The following VAC14 variants were observed in gnomAD, a reference collection of about 807,000 sequenced individuals.
The protein encoded by VAC14 is VAC14 component of PIKFYVE complex.
VAC14 carries 47 observed loss-of-function variants against 85.3 expected under a neutral mutation model. The ratio of observed to expected loss-of-function variants is 0.55; its 90% CI spans 0.44 to 0.70. The LOEUF is 0.70. Among genes scored for constraint, VAC14 ranks in the 30% least tolerant of loss-of-function variants. VAC14 has a pLI of 0.00. For missense variants in VAC14, 861 were observed against 1,004.3 expected (o/e 0.86, Z 1.93); for synonymous variants, 447 against 430.5 (o/e 1.04, Z -0.47).
chr16:70,731,844 C>T (rs2054600912), intron 13 of VAC14, among the ~76,000 whole-genome samples: 1 of 151,928 alleles, frequency 6.6e-6, no homozygotes, highest in South Asian at 2.1e-4. Context: ...CAAAAATGCC[C>T]ACTAGTTAAA....
intron 12 of VAC14, among the ~76,000 whole-genome samples, chr16:70,746,766 T>G (rs993479887): frequency 2.0e-5 from 3 of 152,074 alleles, no homozygotes; most frequent in South Asian, 2.1e-4. Context: ...ATTCAGCCCC[T>G]GCACACCTGC....
Position 70,788,239 on chromosome 16 carries a change from C to A in VAC14, c.105-1874G>T, listed in dbSNP as rs117665931. Among the ~76,000 whole-genome samples, 821 of 152,276 alleles carry A rather than the reference C, an allele frequency of 5.4e-3. 3 individuals carry two copies. The highest frequency in any genetic ancestry group is 9.8e-3 in the Non-Finnish European group (667 of 68,016). On this transcript the variant is annotated intron_variant, in intron 1 of 18. Coordinates refer to ENST00000261776, the MANE Select transcript of VAC14 (RefSeq NM_018052.5). ...CTGTCCTGTGAGACAGTGAGCACTC[C>A]GGCAAAAAGGCTGTTCAAAGAGGGA... is the stretch of plus-strand genomic sequence containing the variant.
chr16:70,736,296 C>T (rs1306741633), intron 13 of VAC14, among the ~76,000 whole-genome samples: 1 of 152,228 alleles, frequency 6.6e-6, no homozygotes, highest in Admixed American at 6.5e-5. Context: ...TACACGGGGG[C>T]TCCTTTTTAT....
intron 18 of VAC14, chr16:70,691,954 G>A (rs1010071928): frequency 3.0e-6 from 3 of 985,206 alleles, no homozygotes; most frequent in Admixed American, 1.2e-4. Context: ...TAACAGCCTG[G>A]GAGGGAATTC....
chr16:70,705,399 C>G, intron 14 of VAC14, among the ~76,000 whole-genome samples: 1 of 152,384 alleles, frequency 6.6e-6, no homozygotes, highest in African/African-American at 2.4e-5. Context: ...ACGCAGCCTG[C>G]CTCTCTGCGC....
At chr16:70,691,980 T>C in intron 18 of VAC14, 2 of 985,018 alleles carry the variant, frequency 2.0e-6, no homozygotes, top group Non-Finnish European at 2.4e-6. Flanking sequence ...ACACAGGGCA[T>C]CTGATGCAAG....
chr16:70,756,741 G>A (rs2031898231), intron 12 of VAC14, among the ~76,000 whole-genome samples: 1 of 152,142 alleles, frequency 6.6e-6, no homozygotes, highest in African/African-American at 2.4e-5. Flanking sequence ...CTTGGACCGG[G>A]TACATCGCTG....
At chr16:70,768,655 G>C in intron 10 of VAC14, 1 of 337,918 alleles carries the variant, frequency 3.0e-6, no homozygotes. Flanking sequence ...GGGGAAGACA[G>C]CTTCTGCTCT....
chr16:70,772,010 G>A (rs1003645207), intron 10 of VAC14, 99 bp downstream of exon 10: 5 of 1,101,870 alleles, frequency 4.5e-6, no homozygotes, highest in African/African-American at 3.1e-5. Context: ...GCAGCCGCGA[G>A]TAGAATTTGC....
intron 13 of VAC14, among the ~76,000 whole-genome samples, chr16:70,740,698 C>T: frequency 6.6e-6 from 1 of 152,190 alleles, no homozygotes; most frequent in Non-Finnish European, 1.5e-5. Flanking sequence ...CCTCAGCCAG[C>T]TTCCCTCACA....
chr16:70,749,335 A>T (rs2031187705), intron 12 of VAC14, among the ~76,000 whole-genome samples: 1 of 152,270 alleles, frequency 6.6e-6, no homozygotes, highest in Non-Finnish European at 1.5e-5. Context: ...GCAAAGCTGC[A>T]TATTTTACAT....
At chr16:70,690,203 T>C (rs1186958158) in intron 18 of VAC14, 1 of 985,444 alleles carries the variant, frequency 1.0e-6, no homozygotes, top group Non-Finnish European at 1.2e-6. Flanking sequence ...TCCTGCTCCC[T>C]GTGATGGGCA....
intron 12 of VAC14, chr16:70,761,018 T>TGTGTGTGTGTGTGTGTGTGC (rs1555523169): frequency 3.7e-6 from 1 of 267,786 alleles, no homozygotes; most frequent in Non-Finnish European, 7.2e-6. Flanking sequence ...TGTGTGTGTG[T>TGTGTGTGTGTGTGTGTGTGC]GCATGGGGGG....
At chr16:70,694,600 G>A (rs562900533) in intron 17 of VAC14, among the ~76,000 whole-genome samples, 6 of 152,246 alleles carry the variant, frequency 3.9e-5, no homozygotes, top group Admixed American at 6.5e-5. Flanking sequence ...GGTCAGAGAC[G>A]CTGCCAGAGA....
chr16:70,688,620 C>A, intron 18 of VAC14: 1 of 985,610 alleles, frequency 1.0e-6, no homozygotes, highest in Non-Finnish European at 1.2e-6. Flanking sequence ...CACTCACTGT[C>A]CCTGGGAGGA....
chr16:70,698,575 C>A (rs1567522624), intron 15 of VAC14, 62 bp downstream of exon 15: 3 of 1,597,372 alleles, frequency 1.9e-6, no homozygotes, highest in Non-Finnish European at 2.6e-6. Context: ...GGCGGGCTCA[C>A]ACAGGGTGTG....
rs186391097 is a variant in VAC14, at chr16:70,763,058, G to A, written c.1161-33C>T. ...TAAGATCGGGAGGGAGAGCAGAGGT[G>A]AAGCCCACCATAGCCCTCTCCCATG... is the stretch of plus-strand genomic sequence containing the variant. On this transcript the variant is annotated intron_variant, in intron 10 of 18. Coordinates refer to ENST00000261776, the MANE Select transcript of VAC14 (RefSeq NM_018052.5). The A allele has an allele frequency of 5.9e-3, 9,541 of 1,613,598 alleles. 36 individuals are homozygous for A. The highest frequency in any genetic ancestry group is 7.1e-3 in the Non-Finnish European group (8,391 of 1,179,706).
intron 14 of VAC14, among the ~76,000 whole-genome samples, chr16:70,705,887 T>C (rs1291113216): frequency 6.6e-6 from 1 of 152,200 alleles, no homozygotes; most frequent in Non-Finnish European, 1.5e-5. Context: ...GGTGGCCCCA[T>C]GAGAGGCAAG....
Position 70,780,778 on chromosome 16 carries a change from G to A in VAC14, c.1096+12C>T. The A allele has an allele frequency of 6.3e-7, 1 of 1,580,044 alleles. No individual in the cohort carries two copies. The highest frequency in any genetic ancestry group is 8.6e-7 in the Non-Finnish European group (1 of 1,160,994). ...CGACAGGAGGTGAGGTGTAGGGACG[G>A]AGTCCACTCACCACTGGCTGTGCCC... On this transcript the variant is annotated intron_variant, in intron 9 of 18. Coordinates refer to ENST00000261776, the MANE Select transcript of VAC14 (RefSeq NM_018052.5).
Sources: gnomAD v4.1 joint callset for allele counts (sites outside exome capture counted in the v4.1 genomes callset) on GRCh38, gnomAD v4.1.1 for gene constraint, MANE v1.5 for transcripts, NCBI Gene and HGNC (gene_info 2026-07-23, HGNC 2026-07-21) for gene names.